Variants in CCDC149 observed in about 807,000 individuals in gnomAD.
The protein encoded by CCDC149 is coiled-coil domain-containing protein 149.
In CCDC149, 45 loss-of-function variants were observed where a neutral mutation model predicts 59.9. The ratio of observed to expected loss-of-function variants is 0.75; its 90% confidence interval spans 0.59 to 0.96. The LOEUF (loss-of-function observed/expected upper bound fraction) is 0.96. Among genes scored for constraint, CCDC149 ranks in the 40% least tolerant of loss-of-function variants. The pLI is 0.00. For missense variants in CCDC149, 584 were observed against 664.7 expected (o/e 0.88, Z 1.33); for synonymous variants, 245 against 260.6 (o/e 0.94, Z 0.58).
chr4:24,838,499 C>T (rs1716696957), intron 4 of CCDC149, among the ~76,000 whole-genome samples: 1 of 152,096 alleles, frequency 6.6e-6, no homozygotes, highest in Admixed American at 6.5e-5. Context: ...GCACTCTAGG[C>T]TGGATGTCTG....
intron 1 of CCDC149, among the ~76,000 whole-genome samples, chr4:24,892,831 T>A (rs1460112824): frequency 6.6e-6 from 1 of 152,324 alleles, no homozygotes; most frequent in Admixed American, 6.5e-5. Context: ...CAGGGCAATT[T>A]ATTAAGAAAA....
chr4:24,865,164 G>T (rs1718623401), intron 3 of CCDC149, among the ~76,000 whole-genome samples: 1 of 152,130 alleles, frequency 6.6e-6, no homozygotes, highest in Non-Finnish European at 1.5e-5. Flanking sequence ...AGACATGCAA[G>T]CCCTTGACCT....
chr4:24,837,275 C>G lies in CCDC149; in HGVS notation c.615G>C (p.Gly205=). 2 of 1,614,210 alleles carry G rather than the reference C, an allele frequency of 1.2e-6. No individual in the cohort carries two copies. The highest frequency in any genetic ancestry group is 1.7e-6 in the Non-Finnish European group (2 of 1,180,036). ...CCACGTCAATGATGCGGTTCTCGTG[C>G]CCACTCAGGATATGGTTCAGCTCCT... Residue 205 remains glycine (G), a synonymous_variant, in exon 6 of 13, where the codon GGG becomes GGC. Coordinates refer to ENST00000635206, the MANE Select transcript of CCDC149 (RefSeq NM_001330643.2). The surrounding 1 kb of genome is among the most constrained non-coding windows in gnomAD (Gnocchi z 4.3).
intron 3 of CCDC149, among the ~76,000 whole-genome samples, chr4:24,856,460 G>C (rs1311378531): frequency 2.0e-5 from 3 of 152,230 alleles, no homozygotes; most frequent in African/African-American, 7.2e-5. Context: ...TGTGTTGGAA[G>C]AAAGGGCCGC....
intron 8 of CCDC149, among the ~76,000 whole-genome samples, chr4:24,832,950 AGCCCCATCCACAGCATG>A (rs1017925405): frequency 6.6e-6 from 1 of 152,184 alleles, no homozygotes; most frequent in African/African-American, 2.4e-5. Context: ...AGAAGCCATC[AGCCCCATCCACAGCATG>A]GCCCCATTCT....
rs1714751902 is a variant in CCDC149 at position 24,813,307 on chromosome 4, G to C, written c.1193-4488C>G. On this transcript the variant is annotated intron_variant, in intron 12 of 12. Coordinates refer to ENST00000635206, the MANE Select transcript of CCDC149 (RefSeq NM_001330643.2). The stretch of plus-strand genomic sequence containing the variant: ...CTGGAACTAAGAGAAATAAATGTCT[G>C]CTTCTTGTTGAAAACACTCAGTCTA... 2.0e-5 allele frequency among the ~76,000 whole-genome samples: 3 copies of C among 151,954 alleles called. No homozygotes were observed. In the South Asian group the frequency reaches 6.2e-4, roughly 32 times the overall value.
intron 1 of CCDC149, among the ~76,000 whole-genome samples, chr4:24,963,200 G>C (rs1392456291): frequency 6.6e-6 from 1 of 151,752 alleles, no homozygotes; most frequent in Non-Finnish European, 1.5e-5. Flanking sequence ...GGCCAAGTGT[G>C]GATCTAATTT....
chr4:24,813,527 T>TATAAAA (rs1405803152), intron 12 of CCDC149, among the ~76,000 whole-genome samples: 8 of 91,264 alleles, frequency 8.8e-5, no homozygotes, highest in Non-Finnish European at 1.4e-4. Context: ...TATATATATA[T>TATAAAA]AAAACCTAAA....
At chr4:24,950,408 T>C (rs1310120686) in intron 1 of CCDC149, among the ~76,000 whole-genome samples, 4 of 152,276 alleles carry the variant, frequency 2.6e-5, no homozygotes, top group African/African-American at 7.2e-5. Context: ...GTAAGCGCAA[T>C]GCAAATGTTA....
At chr4:24,940,692 T>TGG (rs2109348149) in intron 1 of CCDC149, among the ~76,000 whole-genome samples, 1 of 152,078 alleles carries the variant, frequency 6.6e-6, no homozygotes, top group East Asian at 1.9e-4. Flanking sequence ...AATAAAAGGA[T>TGG]GGAGGAAGAT....
chr4:24,822,556 A>T lies in CCDC149; in HGVS notation c.983T>A (p.Val328Glu), dbSNP rs1403021803. The T allele has an allele frequency of 6.5e-7, 1 of 1,535,192 alleles. No homozygotes were observed. Among genetic ancestry groups the T allele is most frequent in the East Asian group, 2.5e-5 (1 of 39,496 alleles). The change falls in exon 10 of 13, where the codon GTG becomes GAG. Residue 328 changes from valine (V) to glutamate (E), a missense_variant. By Grantham distance (121) the Val-to-Glu change is moderately radical (BLOSUM62 -2). Coordinates refer to ENST00000635206, the MANE Select transcript of CCDC149 (RefSeq NM_001330643.2). ...TCTTAATTTTTTTTCCAGCTCAGCC[A>T]CCCGATTCCCTAGGATTCTGAAAAA... is the stretch of plus-strand genomic sequence containing the variant.
intron 1 of CCDC149, among the ~76,000 whole-genome samples, chr4:24,918,873 C>G (rs548252647): frequency 6.6e-6 from 1 of 152,294 alleles, no homozygotes; most frequent in South Asian, 2.1e-4. Context: ...GCAGAAATTG[C>G]CAGCCCTTGG....
At chr4:24,805,909 CA>C (rs1167673606), downstream of CCDC149, among the ~76,000 whole-genome samples, 1 of 152,220 alleles carries the variant, frequency 6.6e-6, no homozygotes, top group Non-Finnish European at 1.5e-5. Flanking sequence ...AGAACCTTGA[CA>C]ACTTTCTTGA....
At chr4:24,844,653 G>A (rs1267926530) in intron 4 of CCDC149, among the ~76,000 whole-genome samples, 1 of 152,116 alleles carries the variant, frequency 6.6e-6, no homozygotes, top group Non-Finnish European at 1.5e-5. Flanking sequence ...CACACCTGTA[G>A]TCCCAGCTAC....
At chr4:24,966,604 A>T (rs1723811270) in intron 1 of CCDC149, among the ~76,000 whole-genome samples, 1 of 152,210 alleles carries the variant, frequency 6.6e-6, no homozygotes, top group African/African-American at 2.4e-5. Context: ...ACACTCACAG[A>T]TGTGGATAGA....
At chr4:24,978,115 G>A (rs567418279) in intron 1 of CCDC149, among the ~76,000 whole-genome samples, 112 of 152,180 alleles carry the variant, frequency 7.4e-4, no homozygotes, top group African/African-American at 2.5e-3. Flanking sequence ...TCAGTGACAG[G>A]GCAAGACCCT....
intron 1 of CCDC149, among the ~76,000 whole-genome samples, chr4:24,969,412 G>C (rs1445562132): frequency 6.6e-6 from 1 of 152,118 alleles, no homozygotes; most frequent in Non-Finnish European, 1.5e-5. Flanking sequence ...GAGTGATAGG[G>C]GAACACATTT....
intron 1 of CCDC149, among the ~76,000 whole-genome samples, chr4:24,905,543 C>A (rs1228484129): frequency 6.6e-6 from 1 of 151,828 alleles, no homozygotes; most frequent in African/African-American, 2.4e-5. Flanking sequence ...TCAAGTGATT[C>A]TCCTGCCTCA....
At chr4:24,953,997 A>G (rs897540198) in intron 1 of CCDC149, among the ~76,000 whole-genome samples, 1 of 152,204 alleles carries the variant, frequency 6.6e-6, no homozygotes, top group Non-Finnish European at 1.5e-5. Flanking sequence ...TCTGAGGAAC[A>G]GAAAGAAAAA....
Sources: allele counts gnomAD v4.1 joint callset (sites outside exome capture counted in the v4.1 genomes callset), GRCh38; gene constraint gnomAD v4.1.1; non-coding constraint Gnocchi (gnomAD v3.1); transcripts MANE v1.5; gene names NCBI Gene and HGNC (gene_info 2026-07-23, HGNC 2026-07-21).